Variants in ITCH observed in about 807,000 individuals in gnomAD.
ITCH encodes E3 ubiquitin-protein ligase Itchy homolog.
In ITCH, 28 loss-of-function variants were observed where a neutral mutation model predicts 126.8. The ratio of observed to expected loss-of-function variants is 0.22; its 90% confidence interval spans 0.16 to 0.30. The LOEUF is 0.30. Ranked by LOEUF, ITCH falls within the 10% of genes least tolerant of loss-of-function variation. The probability of loss-of-function intolerance (pLI) is 1.00; values close to 1 mark genes in which losing one functional copy is unlikely to be tolerated. For synonymous variants in ITCH, 342 were observed against 340.0 expected, an observed-to-expected ratio of 1.01 and a Z score of -0.06; for missense variants, 631 against 1,032.4, an observed-to-expected ratio of 0.61 and a Z score of 5.33.
intron 14 of ITCH, among the ~76,000 whole-genome samples, chr20:34,463,092 G>A (rs1385862785): frequency 6.6e-6 from 1 of 152,222 alleles, no homozygotes; most frequent in African/African-American, 2.4e-5. Context: ...GCCGGGCGCA[G>A]TGGCTCATGC....
At chr20:34,487,173 G>T (rs1431377496) in intron 20 of ITCH, among the ~76,000 whole-genome samples, 1 of 151,570 alleles carries the variant, frequency 6.6e-6, no homozygotes, top group African/African-American at 2.4e-5. Context: ...CACCACACCT[G>T]GCTAATTTTT....
At chr20:34,365,519 A>G (rs924749186) in intron 1 of ITCH, among the ~76,000 whole-genome samples, 1 of 151,972 alleles carries the variant, frequency 6.6e-6, no homozygotes, top group African/African-American at 2.4e-5. Context: ...GGTTCCAGCA[A>G]TTCTTCTGCC....
rs1324908711 is a variant in ITCH at position 34,445,352 on chromosome 20, C to T, written c.1031C>T (p.Thr344Met). ...YYVDHFTRTT[T>M]WQRPTLESVR... is the part of the protein sequence containing the mutation. Reference sequence around the variant, plus strand: ...GTTGACCATTTCACAAGAACAACAACGTGGCAGAGGCCAACACTGGAATCC... The same window carrying T: ...GTTGACCATTTCACAAGAACAACAATGTGGCAGAGGCCAACACTGGAATCC... The change falls in exon 11 of 25, where the codon ACG (threonine) becomes ATG (methionine). Residue 344 changes from threonine to methionine, a missense_variant. Physicochemically the swap from Thr to Met is moderately conservative, Grantham distance 81. Coordinates refer to ENST00000374864, the MANE Select transcript of ITCH (RefSeq NM_031483.7). 2 of 1,610,044 alleles carry T rather than the reference C, an allele frequency of 1.2e-6. No individual in the cohort carries two copies. Among genetic ancestry groups the T allele is most frequent in the Non-Finnish European group, 1.7e-6 (2 of 1,178,902 alleles).
At chr20:34,480,836 T>G in intron 19 of ITCH, 104 bp downstream of exon 19, 2 of 1,054,716 alleles carry the variant, frequency 1.9e-6, no homozygotes, top group Admixed American at 2.5e-5. Context: ...TTTATTGTAT[T>G]TAAATGATCT....
intron 12 of ITCH, among the ~76,000 whole-genome samples, chr20:34,451,256 C>T (rs1420090768): frequency 2.0e-5 from 3 of 150,672 alleles, no homozygotes; most frequent in Non-Finnish European, 4.4e-5. Flanking sequence ...CGCCATTGCA[C>T]TCCAGCATAG....
chr20:34,457,098 A>G (rs905840959), intron 12 of ITCH, among the ~76,000 whole-genome samples: 2 of 152,170 alleles, frequency 1.3e-5, no homozygotes, highest in African/African-American at 4.8e-5. Context: ...AAAAAACTAA[A>G]TAACTGTTCA....
intron 12 of ITCH, among the ~76,000 whole-genome samples, chr20:34,454,064 C>T (rs898950289): frequency 1.3e-5 from 2 of 151,676 alleles, no homozygotes; most frequent in East Asian, 1.9e-4. Context: ...AAATTTAATG[C>T]GACTGCCAAG....
chr20:34,438,875 A>T (rs867885508), intron 8 of ITCH, among the ~76,000 whole-genome samples: 1 of 152,210 alleles, frequency 6.6e-6, no homozygotes, highest in African/African-American at 2.4e-5. Context: ...AATATAAAGT[A>T]TAGGCGGTGC....
intron 2 of ITCH, among the ~76,000 whole-genome samples, chr20:34,379,743 C>T (rs1033831850): frequency 6.7e-6 from 1 of 149,092 alleles, no homozygotes; most frequent in Non-Finnish European, 1.5e-5. Context: ...TACAGGCACC[C>T]GCCACCACTC....
chr20:34,381,370 C>T (rs2038055674), intron 2 of ITCH, among the ~76,000 whole-genome samples: 1 of 151,886 alleles, frequency 6.6e-6, no homozygotes, highest in Admixed American at 6.6e-5. Context: ...GCAGCCTCCA[C>T]CTCCCAGGAT....
chr20:34,412,707 A>G (rs912167489), intron 5 of ITCH, 68 bp downstream of exon 5: 16 of 1,286,470 alleles, frequency 1.2e-5, no homozygotes, highest in African/African-American at 1.0e-4. Flanking sequence ...TTATATGTCA[A>G]ACATGCATAA....
rs1979195776 is a variant in ITCH, at chr20:34,412,613, A to G, written c.311A>G (p.Glu104Gly). 11 of 1,607,318 alleles carry G rather than the reference A, an allele frequency of 6.8e-6. No individual in the cohort carries two copies. Among genetic ancestry groups the G allele is most frequent in the Non-Finnish European group, 9.4e-6 (11 of 1,174,124 alleles). The change falls in exon 5 of 25, where the codon GAA becomes GGA. Residue 104 changes from glutamate (E) to glycine (G), a missense_variant. Physicochemically the swap from Glu to Gly is moderately conservative, Grantham distance 98 (BLOSUM62 -2). Transcript: ENST00000374864. Reference sequence around the variant, plus strand: ...GGAACTGCTGCATTAGATATTTATGAAACATTAAAGTCAAACAATATGAAA... The same window carrying G: ...GGAACTGCTGCATTAGATATTTATGGAACATTAAAGTCAAACAATATGAAA... ...LLGTAALDIY[E>G]TLKSNNMKLE...
chr20:34,446,289 A>C (rs1391533268), intron 11 of ITCH, among the ~76,000 whole-genome samples: 2 of 152,120 alleles, frequency 1.3e-5, no homozygotes, highest in Non-Finnish European at 2.9e-5. Flanking sequence ...CTCCATCACC[A>C]TCTCTTCCCC....
At chr20:34,446,612 T>G (rs1038606051) in intron 11 of ITCH, among the ~76,000 whole-genome samples, 4 of 152,240 alleles carry the variant, frequency 2.6e-5, no homozygotes, top group Non-Finnish European at 5.9e-5. Flanking sequence ...TTGTCTCTTG[T>G]GTACTTTACC....
In ITCH at chr20:34,454,019, AAG is replaced by A. The variant is rs751187918; in HGVS notation, c.1211-3365_1211-3364del. On this transcript the variant is annotated intron_variant, in intron 12 of 24. Transcript: ENST00000374864. ...GTCTCAAAAAAGAAGAAGAAGAACA[AAG>A]AGAGAATTCTGGATTCTGCAAATAA... is the stretch of plus-strand genomic sequence containing the variant. Among the ~76,000 whole-genome samples the A allele has an allele frequency of 9.2e-5, 14 of 152,030 alleles. No homozygotes were observed. The East Asian group carries it at 2.7e-3, about 29-fold the overall frequency.
rs1308297557 is a variant in ITCH, at chr20:34,511,357, G to A, written c.*3563G>A. The stretch of plus-strand genomic sequence containing the variant: ...CCTCACTTGCGTTTTCCTACAAGAT[G>A]TAAGACTGTTTATAATTAAACTTTT... On this transcript the variant is annotated 3_prime_UTR_variant, in exon 25 of 25. Coordinates refer to ENST00000374864, the MANE Select transcript of ITCH (RefSeq NM_031483.7). 3 of 152,186 alleles carry A rather than the reference G, an allele frequency of 2.0e-5. No individual in the cohort carries two copies. The highest frequency in any genetic ancestry group is 4.4e-5 in the Non-Finnish European group (3 of 68,046). The allele number at this position is 152,186 out of a possible 1,614,324, so 9.4% of individuals were successfully genotyped here. A position where few individuals can be genotyped will look rare whatever the true frequency, so the allele number is the denominator to read the frequency against.
Position 34,492,564 on chromosome 20 carries a change from C to T in ITCH, c.2383C>T (p.Arg795Ter), listed in dbSNP as rs368005062. The change falls in exon 23 of 25, where the codon CGA becomes TGA. Residue 795 changes from arginine (R) to a stop codon, truncating the protein, a stop_gained. Coordinates refer to ENST00000374864, the MANE Select transcript of ITCH (RefSeq NM_031483.7). LOFTEE classifies it high-confidence loss of function. Reference protein sequence around the residue: ...RLLQFVTGTCRLPVGGFADLM... With the variant: ...RLLQFVTGTC ...TCTGCAGTTTGTTACTGGAACCTGCCGATTGCCAGTAGGAGGATTTGCTGA... is the reference window on the plus strand; with the variant it reads ...TCTGCAGTTTGTTACTGGAACCTGCTGATTGCCAGTAGGAGGATTTGCTGA... 6.2e-7 allele frequency: 1 copy of T among 1,612,718 alleles called. No individual in the cohort carries two copies. Among genetic ancestry groups the T allele is most frequent in the Non-Finnish European group, 8.5e-7 (1 of 1,178,878 alleles).
chr20:34,368,741 G>A (rs546434668), intron 1 of ITCH, among the ~76,000 whole-genome samples: 3 of 152,244 alleles, frequency 2.0e-5, no homozygotes, highest in Admixed American at 6.5e-5. Context: ...TTTCAGAACT[G>A]ACTATATCCA....
chr20:34,397,448 T>C (rs981000147), intron 3 of ITCH, among the ~76,000 whole-genome samples: 4 of 152,242 alleles, frequency 2.6e-5, no homozygotes, highest in African/African-American at 9.6e-5. Flanking sequence ...ATAGCATTTA[T>C]TGATTATAGA....
Sources: gnomAD v4.1 joint callset for allele counts (sites outside exome capture counted in the v4.1 genomes callset) on GRCh38, gnomAD v4.1.1 for gene constraint, MANE v1.5 for transcripts, NCBI Gene and HGNC (gene_info 2026-07-23, HGNC 2026-07-21) for gene names.